The following MEGF10 variants were observed in gnomAD, a reference collection of about 807,000 sequenced individuals.
The protein encoded by MEGF10 is multiple epidermal growth factor-like domains protein 10.
MEGF10 carries 86 observed loss-of-function variants against 147.5 expected under a neutral mutation model. That is an observed-to-expected ratio of 0.58 (90% CI 0.49 to 0.70). The LOEUF (loss-of-function observed/expected upper bound fraction) is 0.70. Among genes scored for constraint, MEGF10 ranks in the 30% least tolerant of loss-of-function variants. The pLI, the probability that MEGF10 is intolerant of heterozygous loss-of-function variation, is 0.00. For synonymous variants in MEGF10, 478 were observed against 525.5 expected (o/e 0.91, Z 1.24); for missense variants, 1,329 against 1,487.3 (o/e 0.89, Z 1.75).
intron 1 of MEGF10, among the ~76,000 whole-genome samples, chr5:127,318,556 A>T (rs1258885987): frequency 2.0e-5 from 3 of 152,224 alleles, no homozygotes; most frequent in Non-Finnish European, 4.4e-5. Flanking sequence ...GCCAGATGAT[A>T]TGCTTTAAAA....
In MEGF10 at chr5:127,460,691, A is replaced by T. The variant is rs1766529092; in HGVS notation, c.*3373A>T. The T allele has an allele frequency of 6.6e-6, 1 of 152,204 alleles. No homozygotes were observed. The highest frequency in any genetic ancestry group is 6.5e-5 in the Admixed American group (1 of 15,270). 9.4% of individuals were successfully genotyped at this position (152,204 alleles called of 1,614,324 possible). A position where few individuals can be genotyped will look rare whatever the true frequency, so the allele number is the denominator to read the frequency against. On this transcript the variant is annotated 3_prime_UTR_variant, in exon 25 of 25. Coordinates refer to ENST00000503335, the MANE Select transcript of MEGF10 (RefSeq NM_001256545.2). ...AATATCATTTATAATTGATGTCAAT[A>T]TTAGTAGTCCACTTTATGCTTAAAA...
the MEGF10 span, among the ~76,000 whole-genome samples, chr5:127,252,410 G>A: frequency 6.6e-6 from 1 of 151,668 alleles, no homozygotes; most frequent in African/African-American, 2.4e-5. Context: ...GTATGGTAAA[G>A]CCATAATGTT....
the MEGF10 span, among the ~76,000 whole-genome samples, chr5:127,270,460 C>T: frequency 2.8e-4 from 42 of 152,184 alleles, no homozygotes; most frequent in African/African-American, 9.9e-4. Flanking sequence ...AGACTTTAAA[C>T]CAACAAAGAT....
At chr5:127,447,736 G>A (rs1296386719) in intron 21 of MEGF10, 52 bp downstream of exon 21, 2 of 1,609,752 alleles carry the variant, frequency 1.2e-6, no homozygotes, top group Non-Finnish European at 8.5e-7. Flanking sequence ...GAGAGGAAGG[G>A]AACCAGCATT....
chr5:127,376,589 T>C (rs1027200235), intron 5 of MEGF10, among the ~76,000 whole-genome samples: 1 of 152,084 alleles, frequency 6.6e-6, no homozygotes, highest in Non-Finnish European at 1.5e-5. Context: ...CTTCTCTTGA[T>C]AAACTGTCAG....
At chr5:127,357,941 A>G (rs1387635973) in intron 4 of MEGF10, among the ~76,000 whole-genome samples, 2 of 152,184 alleles carry the variant, frequency 1.3e-5, no homozygotes, top group Non-Finnish European at 2.9e-5. Context: ...CCCCAGGTCT[A>G]ACCTGATTTG....
At chr5:127,342,232 G>C (rs1041760027) in intron 4 of MEGF10, among the ~76,000 whole-genome samples, 2 of 152,224 alleles carry the variant, frequency 1.3e-5, no homozygotes, top group African/African-American at 4.8e-5. Context: ...TACACACAGG[G>C]GTGGGGATTG....
the MEGF10 span, among the ~76,000 whole-genome samples, chr5:127,247,095 A>G: frequency 1.4e-5 from 2 of 139,258 alleles, no homozygotes; most frequent in East Asian, 2.1e-4. Context: ...GAAGTAAAGC[A>G]TGATAGTTTT....
At chr5:127,363,946 A>C (rs1421835775) in intron 4 of MEGF10, among the ~76,000 whole-genome samples, 1 of 152,152 alleles carries the variant, frequency 6.6e-6, no homozygotes, top group African/African-American at 2.4e-5. Context: ...GATGGGATGC[A>C]AGGAAAAAAG....
the MEGF10 span, among the ~76,000 whole-genome samples, chr5:127,236,660 C>T: frequency 1.3e-5 from 2 of 152,200 alleles, no homozygotes; most frequent in Non-Finnish European, 2.9e-5. Flanking sequence ...CTGAGATATC[C>T]TTCCCTGTCT....
rs200163743 is a variant in MEGF10, at chr5:127,340,630, C to T, written c.319C>T (p.Pro107Ser). The T allele has an allele frequency of 2.2e-5, 36 of 1,610,842 alleles. No individual in the cohort carries two copies. Among genetic ancestry groups the T allele is most frequent in the African/African-American group, 9.4e-5 (7 of 74,776 alleles). Residue 107 changes from proline to serine, a missense_variant and splice_region_variant, in exon 4 of 25, where the codon CCC (proline) becomes TCC (serine). Physicochemically the swap from Pro to Ser is moderately conservative, Grantham distance 74. Transcript: ENST00000503335. Reference protein sequence around the residue: ...GFYESGEMCVPHCADKCVHGR... With the variant: ...GFYESGEMCVSHCADKCVHGR... ...TTATGAAAGCGGGGAAATGTGTGTC[C>T]GTAAGTAAGACTGTCACCCCTTTGA...
chr5:127,275,701 G>A, the MEGF10 span, among the ~76,000 whole-genome samples: 1 of 152,142 alleles, frequency 6.6e-6, no homozygotes, highest in Non-Finnish European at 1.5e-5. Context: ...TGTAAGGAAG[G>A]ATGGAAAAGT....
Position 127,440,727 on chromosome 5 carries a change from C to G in MEGF10, c.2234-12C>G, listed in dbSNP as rs1561648713. 6.2e-7 allele frequency: 1 copy of G among 1,613,498 alleles called. No individual in the cohort carries two copies. The highest frequency in any genetic ancestry group is 2.2e-5 in the East Asian group (1 of 44,868). ...AGCCTCTTGACTCCTACTGTCCTCC[C>G]TCCTCCCACAGGATGTCCTCTAGGG... On this transcript the variant is annotated splice_polypyrimidine_tract_variant and intron_variant, in intron 17 of 24. Coordinates refer to ENST00000503335, the MANE Select transcript of MEGF10 (RefSeq NM_001256545.2).
At chr5:127,344,909 T>C (rs1181493772) in intron 4 of MEGF10, among the ~76,000 whole-genome samples, 1 of 152,220 alleles carries the variant, frequency 6.6e-6, no homozygotes, top group East Asian at 1.9e-4. Context: ...ACTGCTGCAG[T>C]TTCTAAACTT....
chr5:127,364,098 A>G (rs1196060911), intron 4 of MEGF10, among the ~76,000 whole-genome samples: 2 of 152,324 alleles, frequency 1.3e-5, no homozygotes, highest in South Asian at 2.1e-4. Flanking sequence ...CAGTCCCCAC[A>G]GTATTGTTAT....
At chr5:127,265,564 C>A in the MEGF10 span, among the ~76,000 whole-genome samples, 1 of 152,160 alleles carries the variant, frequency 6.6e-6, no homozygotes, top group Non-Finnish European at 1.5e-5. Context: ...TATTTCTCCA[C>A]ATCCTCTCCA....
intron 1 of MEGF10, among the ~76,000 whole-genome samples, chr5:127,308,456 C>G (rs1478406100): frequency 6.6e-6 from 1 of 152,070 alleles, no homozygotes; most frequent in Non-Finnish European, 1.5e-5. Flanking sequence ...CTGCGAAATG[C>G]TTGACGCCCT....
intron 20 of MEGF10, 116 bp downstream of exon 20, chr5:127,445,809 A>G (rs994168408): frequency 5.5e-5 from 42 of 766,172 alleles, no homozygotes; most frequent in Non-Finnish European, 8.8e-5. Context: ...TCTCATTGAG[A>G]GAATTCTATG....
the MEGF10 span, among the ~76,000 whole-genome samples, chr5:127,241,992 G>C: frequency 6.6e-6 from 1 of 152,054 alleles, no homozygotes; most frequent in African/African-American, 2.4e-5. Flanking sequence ...GTTTATGGGA[G>C]ATGCTTCCAC....
Sources: allele counts gnomAD v4.1 joint callset (sites outside exome capture counted in the v4.1 genomes callset), GRCh38; gene constraint gnomAD v4.1.1; transcripts MANE v1.5; gene names NCBI Gene and HGNC (gene_info 2026-07-23, HGNC 2026-07-21).